Variants in TFCP2L1 observed in about 807,000 individuals in gnomAD.
The protein encoded by TFCP2L1 is transcription factor CP2-like protein 1.
TFCP2L1 carries 12 observed loss-of-function variants against 72.2 expected under a neutral mutation model. The observed-to-expected ratio is 0.17, with a 90% CI of 0.11 to 0.27. TFCP2L1 has a LOEUF of 0.27. Ranked by LOEUF, TFCP2L1 falls within the 10% of genes least tolerant of loss-of-function variation. The pLI, the probability that TFCP2L1 is intolerant of heterozygous loss-of-function variation, is 1.00. For missense variants in TFCP2L1, 488 were observed against 624.6 expected (o/e 0.78, Z 2.33); for synonymous variants, 260 against 251.0 (o/e 1.04, Z -0.34).
At position 121,231,983 on chromosome 2, in the gene TFCP2L1, A is replaced by G. The variant is rs767342657; in HGVS notation, c.1199-15T>C. ...GGCGTGGTACACTGGGGGAAGGAGG[A>G]GCAAGTGCTGCTTTCCAAGTGGCCA... On this transcript the variant is annotated splice_polypyrimidine_tract_variant and intron_variant, in intron 12 of 14. Transcript: ENST00000263707. The G allele has an allele frequency of 6.4e-7, 1 of 1,565,366 alleles. No homozygotes were observed. Among genetic ancestry groups the G allele is most frequent in the Non-Finnish European group, 8.7e-7 (1 of 1,150,258 alleles).
In TFCP2L1 at chr2:121,221,051, T is replaced by C. The variant is rs904647704; in HGVS notation, c.*3290A>G. ...GAATTAAAATTTAGCCCACCATCAT[T>C]TGGCCTTGGTAGTGACATCACTTGG... is the stretch of plus-strand genomic sequence containing the variant. On this transcript the variant is annotated 3_prime_UTR_variant, in exon 15 of 15. Transcript: ENST00000263707. 3 of 152,222 alleles carry C rather than the reference T, an allele frequency of 2.0e-5. No homozygotes were observed. In the East Asian group the frequency reaches 5.8e-4, roughly 29 times the overall value. The allele number at this position is 152,222 out of a possible 1,614,324, so 9.4% of individuals were successfully genotyped here.
intron 8 of TFCP2L1, among the ~76,000 whole-genome samples, chr2:121,238,488 T>C (rs1686297103): frequency 6.6e-6 from 1 of 152,076 alleles, no homozygotes; most frequent in Non-Finnish European, 1.5e-5. Context: ...TGCACAACAG[T>C]GTGAATGTAC....
chr2:121,261,640 C>A (rs901279569), intron 2 of TFCP2L1, among the ~76,000 whole-genome samples: 1 of 152,042 alleles, frequency 6.6e-6, no homozygotes, highest in African/African-American at 2.4e-5. Context: ...AGAAGAAAAT[C>A]AACAGAAAAT....
At chr2:121,267,914 C>A (rs148632853) in intron 2 of TFCP2L1, among the ~76,000 whole-genome samples, 1 of 152,236 alleles carries the variant, frequency 6.6e-6, no homozygotes, top group African/African-American at 2.4e-5. Flanking sequence ...GGCATGGTGG[C>A]GCACATCTGT....
intron 2 of TFCP2L1, among the ~76,000 whole-genome samples, chr2:121,270,077 T>C (rs1157493138): frequency 6.6e-6 from 1 of 151,848 alleles, no homozygotes; most frequent in Non-Finnish European, 1.5e-5. Flanking sequence ...GAAAAATGGG[T>C]AATCACATGA....
chr2:121,278,693 A>AAAG (rs1687196024), intron 2 of TFCP2L1, among the ~76,000 whole-genome samples: 1 of 145,750 alleles, frequency 6.9e-6, no homozygotes. Flanking sequence ...CAAAAAGAAG[A>AAAG]AAGAAAAAAA....
intron 1 of TFCP2L1, among the ~76,000 whole-genome samples, chr2:121,284,744 G>A (rs1480254739): frequency 2.6e-5 from 4 of 152,296 alleles, no homozygotes; most frequent in Middle Eastern, 3.4e-3. Context: ...GACGGGCCAG[G>A]GGAGGCGGCG....
chr2:121,237,403 C>T (rs1354086445), intron 10 of TFCP2L1, among the ~76,000 whole-genome samples: 1 of 152,180 alleles, frequency 6.6e-6, no homozygotes, highest in Non-Finnish European at 1.5e-5. Context: ...AGATGGTCCC[C>T]CTCAAGTCAC....
chr2:121,237,347 A>C (rs1241148069), intron 10 of TFCP2L1, among the ~76,000 whole-genome samples: 2 of 152,162 alleles, frequency 1.3e-5, no homozygotes, highest in African/African-American at 4.8e-5. Context: ...GACAGACCAG[A>C]GCCCACCAAC....
intron 2 of TFCP2L1, among the ~76,000 whole-genome samples, chr2:121,252,031 T>TATTCTATTCC (rs1686624014): frequency 6.6e-6 from 1 of 152,128 alleles, no homozygotes; most frequent in Admixed American, 6.5e-5. Flanking sequence ...TATTCTATTG[T>TATTCTATTCC]ATTCTATTCC....
At chr2:121,241,304 GC>G (rs1173035313) in intron 7 of TFCP2L1, among the ~76,000 whole-genome samples, 21 of 152,256 alleles carry the variant, frequency 1.4e-4, no homozygotes, top group African/African-American at 5.1e-4. Flanking sequence ...GACCAGCCTG[GC>G]CAACATGGTG....
At chr2:121,270,107 G>A (rs1421582376) in intron 2 of TFCP2L1, among the ~76,000 whole-genome samples, 2 of 151,754 alleles carry the variant, frequency 1.3e-5, no homozygotes, top group African/African-American at 2.4e-5. Flanking sequence ...AGAGTAAAAT[G>A]AAAAAATATT....
intron 10 of TFCP2L1, among the ~76,000 whole-genome samples, chr2:121,236,144 C>T (rs1686244547): frequency 6.6e-6 from 1 of 152,140 alleles, no homozygotes; most frequent in Non-Finnish European, 1.5e-5. Flanking sequence ...ATTCACATAC[C>T]CACTTTATGT....
At chr2:121,284,538 G>A (rs2104778194) in intron 1 of TFCP2L1, among the ~76,000 whole-genome samples, 1 of 152,338 alleles carries the variant, frequency 6.6e-6, no homozygotes, top group South Asian at 2.1e-4. Context: ...GAAGTGGGGC[G>A]GCCTGCCCCT....
chr2:121,283,349 C>T (rs1271762033), intron 1 of TFCP2L1, among the ~76,000 whole-genome samples: 1 of 152,194 alleles, frequency 6.6e-6, no homozygotes, highest in East Asian at 1.9e-4. Context: ...GGACCAGACC[C>T]TCCCTCTAGA....
At chr2:121,260,005 A>G (rs190963090) in intron 2 of TFCP2L1, among the ~76,000 whole-genome samples, 19 of 152,324 alleles carry the variant, frequency 1.2e-4, no homozygotes, top group Admixed American at 1.0e-3. Context: ...GGCCAATCAG[A>G]CAGGTGGTAT....
chr2:121,268,207 C>A, intron 2 of TFCP2L1, among the ~76,000 whole-genome samples: 1 of 152,194 alleles, frequency 6.6e-6, no homozygotes, highest in East Asian at 1.9e-4. Flanking sequence ...TTACGGAATT[C>A]ACAAATTTCA....
At chr2:121,230,164 T>A (rs1047234509) in intron 13 of TFCP2L1, among the ~76,000 whole-genome samples, 151 of 152,204 alleles carry the variant, frequency 9.9e-4, no homozygotes, top group African/African-American at 3.4e-3. Context: ...TGTTTTTGTT[T>A]GTTTGTTTGC....
At chr2:121,279,700 C>T (rs1687216401) in intron 2 of TFCP2L1, among the ~76,000 whole-genome samples, 1 of 152,186 alleles carries the variant, frequency 6.6e-6, no homozygotes, top group Admixed American at 6.5e-5. Flanking sequence ...AATCAAAGTT[C>T]GCGGAGAGGA....
Sources: allele counts gnomAD v4.1 joint callset (sites outside exome capture counted in the v4.1 genomes callset), GRCh38; gene constraint gnomAD v4.1.1; transcripts MANE v1.5; gene names NCBI Gene and HGNC (gene_info 2026-07-23, HGNC 2026-07-21).